NXN: variants seen among roughly 807,000 people sequenced by gnomAD.
NXN encodes nucleoredoxin 1.
Under a neutral mutation model 48.6 loss-of-function variants are expected in NXN, and 16 were observed. The ratio of observed to expected loss-of-function variants is 0.33; its 90% CI spans 0.22 to 0.50. NXN has a LOEUF of 0.50. Ranked by LOEUF, NXN falls within the 20% of genes least tolerant of loss-of-function variation. NXN has a pLI of 0.98. For missense variants in NXN, 492 were observed against 605.5 expected (o/e 0.81, Z 1.97); for synonymous variants, 281 against 269.6 (o/e 1.04, Z -0.41).
chr17:979,228 T>C, intron 1 of NXN, 91 bp downstream of exon 1: 1 of 455,616 alleles, frequency 2.2e-6, no homozygotes, highest in Non-Finnish European at 2.6e-6. Flanking sequence ...ACAACGGGGT[T>C]GGCGGAGGGC....
At chr17:910,473 G>T (rs1432603260) in intron 1 of NXN, among the ~76,000 whole-genome samples, 1 of 151,664 alleles carries the variant, frequency 6.6e-6, no homozygotes, top group Non-Finnish European at 1.5e-5. Context: ...TTTTCCAAAT[G>T]CTGTAGGATA....
chr17:872,283 G>C (rs1027250385), intron 1 of NXN, among the ~76,000 whole-genome samples: 1 of 150,790 alleles, frequency 6.6e-6, no homozygotes, highest in African/African-American at 2.4e-5. Context: ...GAGAGAGACA[G>C]AGGAACACGT....
intron 1 of NXN, among the ~76,000 whole-genome samples, chr17:893,821 CT>C (rs1267038116): frequency 2.9e-5 from 1 of 34,546 alleles, no homozygotes; most frequent in Non-Finnish European, 5.1e-5. Flanking sequence ...AGCATCTCAA[CT>C]CCCTGGAAGC....
chr17:860,133 T>C (rs994359994), intron 1 of NXN, among the ~76,000 whole-genome samples: 3 of 151,998 alleles, frequency 2.0e-5, no homozygotes, highest in African/African-American at 4.8e-5. Context: ...ATTATTATTA[T>C]TATTATTTAA....
In NXN at chr17:841,390, CGCCGGCG is replaced by C. The variant is rs1567827296; in HGVS notation, c.361-15319_361-15313del. ...AGCAGCCCACACACGGTGCATCTCA[CGCCGGCG>C]AGCAGGTCCCCCCTGACCACGGCGC... On this transcript the variant is annotated intron_variant, in intron 1 of 7. Transcript: ENST00000336868. Among the ~76,000 whole-genome samples, 30 of 111,712 alleles carry C rather than the reference CGCCGGCG, an allele frequency of 2.7e-4. 1 individual carries two copies. The highest frequency in any genetic ancestry group is 5.2e-4 in the Non-Finnish European group (25 of 47,774). The allele number at this position is 111,712 out of a possible 152,430, so 73.3% of individuals were successfully genotyped here.
intron 1 of NXN, chr17:896,823 C>A: frequency 8.6e-7 from 1 of 1,157,948 alleles, no homozygotes; most frequent in South Asian, 1.5e-5. Flanking sequence ...CTGCAGATCT[C>A]GAAGATGCTA....
chr17:805,156 C>A lies in NXN; in HGVS notation c.912G>T (p.Glu304Asp). 6.2e-7 allele frequency: 1 copy of A among 1,610,418 alleles called. No individual in the cohort carries two copies. Among genetic ancestry groups the A allele is most frequent in the South Asian group, 1.1e-5 (1 of 90,364 alleles). ...GCACGGGCTTGGGGTGCCAGGGGAA[C>A]TCCCGGCAGTCCTCGTCGTTCAGCA... ...VEVLNDEDCR[E>D]FPWHPKPVLE... The change falls in exon 6 of 8, where the codon GAG becomes GAT. Residue 304 changes from glutamate to aspartate, a missense_variant. Glu to Asp is a conservative substitution (Grantham distance 45). Coordinates refer to ENST00000336868, the MANE Select transcript of NXN (RefSeq NM_022463.5).
intron 1 of NXN, among the ~76,000 whole-genome samples, chr17:964,929 G>C (rs1430948443): frequency 2.0e-5 from 3 of 152,192 alleles, no homozygotes; most frequent in African/African-American, 7.2e-5. Context: ...TTAAGAAAAA[G>C]ACTCCCTCAG....
At chr17:904,305 G>A (rs563662418) in intron 1 of NXN, among the ~76,000 whole-genome samples, 102 of 152,048 alleles carry the variant, frequency 6.7e-4, no homozygotes, top group Non-Finnish European at 6.6e-4. Flanking sequence ...GACGCCGTCC[G>A]GCTTCCATCC....
intron 1 of NXN, among the ~76,000 whole-genome samples, chr17:895,306 C>G (rs1186413196): frequency 1.3e-5 from 2 of 151,732 alleles, no homozygotes; most frequent in African/African-American, 4.8e-5. Context: ...CATGAGCCAC[C>G]GCGCCTGGCC....
intron 7 of NXN, among the ~76,000 whole-genome samples, chr17:801,849 T>C (rs1911232209): frequency 6.6e-6 from 1 of 152,236 alleles, no homozygotes; most frequent in Non-Finnish European, 1.5e-5. Context: ...CTCTGGAATG[T>C]TTTTAAACAG....
At chr17:858,175 T>C (rs1029193740) in intron 1 of NXN, among the ~76,000 whole-genome samples, 4 of 151,824 alleles carry the variant, frequency 2.6e-5, no homozygotes, top group Non-Finnish European at 5.9e-5. Context: ...TTCACCATGT[T>C]GCGGCTAATT....
chr17:937,207 C>T (rs1309789588), intron 1 of NXN, among the ~76,000 whole-genome samples: 1 of 152,040 alleles, frequency 6.6e-6, no homozygotes, highest in East Asian at 1.9e-4. Context: ...TGGTCTCAAA[C>T]TACTGAGCTC....
intron 1 of NXN, among the ~76,000 whole-genome samples, chr17:961,673 C>T (rs1397441432): frequency 4.6e-5 from 7 of 152,214 alleles, no homozygotes; most frequent in African/African-American, 1.7e-4. Flanking sequence ...CAAGTCCTCC[C>T]TTAGGGCTCA....
chr17:836,534 C>A (rs1913834528), intron 1 of NXN, among the ~76,000 whole-genome samples: 2 of 152,064 alleles, frequency 1.3e-5, no homozygotes, highest in Admixed American at 6.6e-5. Flanking sequence ...GAGCAGGAAT[C>A]CCCCTCATCC....
Position 931,619 on chromosome 17 carries a change from G to A in NXN, c.360+47700C>T, listed in dbSNP as rs1304689522. 2.2e-5 allele frequency among the ~76,000 whole-genome samples: 3 copies of A among 136,334 alleles called. No homozygotes were observed. In the East Asian group the frequency reaches 6.9e-4, roughly 31 times the overall value. 89.4% of individuals were successfully genotyped at this position (136,334 alleles called of 152,430 possible). A position where few individuals can be genotyped will look rare whatever the true frequency, so the allele number is the denominator to read the frequency against. ...TGGGAGGCCGAGGTGGGCGGATCGT[G>A]AGGTCAGGAGATCGAGACCATCCCG... On this transcript the variant is annotated intron_variant, in intron 1 of 7. Transcript: ENST00000336868.
At chr17:876,080 C>T (rs537994478) in intron 1 of NXN, among the ~76,000 whole-genome samples, 9 of 151,984 alleles carry the variant, frequency 5.9e-5, no homozygotes, top group Non-Finnish European at 1.3e-4. Flanking sequence ...ACCTGGGAGG[C>T]TGAGGCTGGA....
At chr17:833,715 C>G (rs571167332) in intron 1 of NXN, among the ~76,000 whole-genome samples, 1 of 152,246 alleles carries the variant, frequency 6.6e-6, no homozygotes, top group Non-Finnish European at 1.5e-5. Context: ...GGTCTACAGA[C>G]CCCAAATGAA....
chr17:969,431 T>C lies in NXN; in HGVS notation c.360+9888A>G, dbSNP rs1168365408. Among the ~76,000 whole-genome samples the C allele has an allele frequency of 1.1e-4, 16 of 152,340 alleles. No homozygotes were observed. In the East Asian group the frequency reaches 2.1e-3, roughly 20 times the overall value. On this transcript the variant is annotated intron_variant, in intron 1 of 7. Coordinates refer to ENST00000336868, the MANE Select transcript of NXN (RefSeq NM_022463.5). ...AATATTCACATACCATAATGGAGTA[T>C]TTTTGAAAGATCACGGGTAAAAACA...
Sources: gnomAD v4.1 joint callset for allele counts (sites outside exome capture counted in the v4.1 genomes callset) on GRCh38, gnomAD v4.1.1 for gene constraint, MANE v1.5 for transcripts, NCBI Gene and HGNC (gene_info 2026-07-23, HGNC 2026-07-21) for gene names.